GRID1: variants seen among roughly 807,000 people sequenced by gnomAD.
GRID1 encodes the protein glutamate ionotropic receptor delta type subunit 1, also known as glutamate receptor ionotropic, delta-1.
A neutral mutation model predicts 98.0 loss-of-function variants in GRID1; 28 were observed. That is an observed-to-expected ratio of 0.29 (90% CI 0.21 to 0.39). The LOEUF (loss-of-function observed/expected upper bound fraction) is 0.39, where lower values mean the gene tolerates loss of function less well. Among genes scored for constraint, GRID1 ranks in the 10% least tolerant of loss-of-function variants. The pLI is 1.00. For missense variants in GRID1, 1,111 were observed against 1,340.5 expected, an observed-to-expected ratio of 0.83 and a Z score of 2.67; for synonymous variants, 553 against 538.5, an observed-to-expected ratio of 1.03 and a Z score of -0.37.
chr10:85,661,649 A>G (rs1840966663), intron 12 of GRID1, among the ~76,000 whole-genome samples: 1 of 152,184 alleles, frequency 6.6e-6, no homozygotes, highest in Non-Finnish European at 1.5e-5. Context: ...GCCACAATGC[A>G]CCCAGTGGGG....
chr10:86,052,436 A>C (rs1173013609), intron 4 of GRID1: 8 of 152,178 alleles, frequency 5.3e-5, no homozygotes, highest in African/African-American at 1.9e-4. Context: ...TATTTCTTCA[A>C]AGACAGATGA....
Position 86,050,091 on chromosome 10 carries a change from C to T in GRID1, c.726+88728G>A, listed in dbSNP as rs1051488784. Among the ~76,000 whole-genome samples the T allele has an allele frequency of 1.9e-4, 29 of 152,280 alleles. No homozygotes were observed. In the South Asian group the frequency reaches 4.1e-3, roughly 22 times the overall value. ...TGTGTTCCTACCAGACTCAGCCAGGCGTGATTCCACAGATGGCTCACAGGG... is the reference window on the plus strand; with the variant it reads ...TGTGTTCCTACCAGACTCAGCCAGGTGTGATTCCACAGATGGCTCACAGGG... On this transcript the variant is annotated intron_variant, in intron 4 of 15. Transcript: ENST00000327946.
At chr10:85,886,225 T>C (rs1256316134) in intron 5 of GRID1, among the ~76,000 whole-genome samples, 1 of 152,230 alleles carries the variant, frequency 6.6e-6, no homozygotes, top group Non-Finnish European at 1.5e-5. Context: ...ACAGCACCTT[T>C]CTGCCTCTGG....
At chr10:85,620,148 C>T (rs1842843025) in intron 13 of GRID1, 115 bp from the exon 14 acceptor site, 3 of 789,014 alleles carry the variant, frequency 3.8e-6, no homozygotes, top group Non-Finnish European at 4.2e-6. Context: ...GGTCTTCCTA[C>T]CCACCAGACA....
chr10:85,903,116 C>A (rs1160509377), intron 5 of GRID1, among the ~76,000 whole-genome samples: 1 of 152,082 alleles, frequency 6.6e-6, no homozygotes, highest in Non-Finnish European at 1.5e-5. Context: ...AACAGCTTTA[C>A]CCTCCCTCTG....
At chr10:86,299,164 A>G (rs1438498275) in intron 2 of GRID1, among the ~76,000 whole-genome samples, 1 of 151,540 alleles carries the variant, frequency 6.6e-6, no homozygotes, top group African/African-American at 2.4e-5. Flanking sequence ...ACTGCAGGAC[A>G]ACAACTAGCT....
At chr10:85,750,370 T>C (rs1842035183) in intron 8 of GRID1, among the ~76,000 whole-genome samples, 1 of 152,200 alleles carries the variant, frequency 6.6e-6, no homozygotes, top group African/African-American at 2.4e-5. Context: ...AAGATATGAT[T>C]ACTCCTATTT....
chr10:85,771,304 A>T (rs909078434), intron 8 of GRID1, among the ~76,000 whole-genome samples: 2 of 152,230 alleles, frequency 1.3e-5, no homozygotes, highest in African/African-American at 4.8e-5. Context: ...GCCTGCCCTG[A>T]AAGAGCTCCT....
At chr10:85,819,330 A>ATT (rs1842741899) in intron 8 of GRID1, among the ~76,000 whole-genome samples, 1 of 152,188 alleles carries the variant, frequency 6.6e-6, no homozygotes, top group African/African-American at 2.4e-5. Context: ...AATTATTGTG[A>ATT]TTTTGACAAG....
intron 3 of GRID1, among the ~76,000 whole-genome samples, chr10:86,162,642 T>C (rs749984315): frequency 6.6e-6 from 1 of 152,224 alleles, no homozygotes; most frequent in Non-Finnish European, 1.5e-5. Flanking sequence ...TTCAAAAGTA[T>C]AGAGGCAAAA....
chr10:85,854,343 A>T (rs1843087959), intron 8 of GRID1, among the ~76,000 whole-genome samples, 153 bp downstream of exon 8: 1 of 152,118 alleles, frequency 6.6e-6, no homozygotes, highest in Non-Finnish European at 1.5e-5. Flanking sequence ...TGCCCTATAA[A>T]CACCAGCCAA....
At chr10:86,036,842 A>C (rs775742000) in intron 4 of GRID1, among the ~76,000 whole-genome samples, 1 of 152,128 alleles carries the variant, frequency 6.6e-6, no homozygotes, top group Non-Finnish European at 1.5e-5. Flanking sequence ...TGGAGGGAAC[A>C]CTCCAGTCCC....
At chr10:85,891,557 T>C (rs1049390391) in intron 5 of GRID1, among the ~76,000 whole-genome samples, 1 of 152,158 alleles carries the variant, frequency 6.6e-6, no homozygotes, top group African/African-American at 2.4e-5. Context: ...TTTCAGACAT[T>C]GGATAACAGG....
At chr10:85,684,953 A>T (rs1276317195) in intron 12 of GRID1, among the ~76,000 whole-genome samples, 1 of 152,132 alleles carries the variant, frequency 6.6e-6, no homozygotes, top group Non-Finnish European at 1.5e-5. Context: ...TTTAATCTCA[A>T]TTACTTCCTA....
chr10:85,600,013 A>C lies in GRID1; in HGVS notation c.*2260T>G, dbSNP rs1842552595. 6.6e-6 allele frequency: 1 copy of C among 151,418 alleles called. No individual in the cohort carries two copies. Among genetic ancestry groups the C allele is most frequent in the East Asian group, 1.9e-4 (1 of 5,130 alleles). 9.4% of individuals were successfully genotyped at this position (151,418 alleles called of 1,614,324 possible). A position where few individuals can be genotyped will look rare whatever the true frequency, so the allele number is the denominator to read the frequency against. On this transcript the variant is annotated 3_prime_UTR_variant, in exon 16 of 16. Transcript: ENST00000327946. Reference sequence around the variant, plus strand: ...CCTCCTTGACACTCATTCTAAGCAGAACCATCCAAGAAGACATCCAAGCTA... The same window carrying C: ...CCTCCTTGACACTCATTCTAAGCAGCACCATCCAAGAAGACATCCAAGCTA...
chr10:86,322,693 G>GCC (rs1847987423), intron 2 of GRID1, among the ~76,000 whole-genome samples: 1 of 151,454 alleles, frequency 6.6e-6, no homozygotes, highest in Admixed American at 6.6e-5. Flanking sequence ...TTACAGGTGT[G>GCC]AGCCACCTTG....
At chr10:85,836,488 C>T (rs1842912507) in intron 8 of GRID1, among the ~76,000 whole-genome samples, 1 of 152,144 alleles carries the variant, frequency 6.6e-6, no homozygotes, top group Admixed American at 6.5e-5. Flanking sequence ...ATTGAACTGG[C>T]AAGAAGCAAC....
chr10:85,966,596 C>G (rs1442092117), intron 4 of GRID1, among the ~76,000 whole-genome samples: 1 of 152,002 alleles, frequency 6.6e-6, no homozygotes, highest in African/African-American at 2.4e-5. Context: ...GGTGGATCAC[C>G]TGAGGTCAGG....
At chr10:85,830,826 GGTT>G (rs985935126) in intron 8 of GRID1, among the ~76,000 whole-genome samples, 74 of 152,290 alleles carry the variant, frequency 4.9e-4, no homozygotes, top group African/African-American at 1.8e-3. Flanking sequence ...ATGTTCGTGA[GGTT>G]GTGGAGAAAA....
Sources: gnomAD v4.1 joint callset for allele counts (sites outside exome capture counted in the v4.1 genomes callset) on GRCh38, gnomAD v4.1.1 for gene constraint, MANE v1.5 for transcripts, NCBI Gene and HGNC (gene_info 2026-07-23, HGNC 2026-07-21) for gene names.